Variants in PDZD2 observed in about 807,000 individuals in gnomAD.
PDZD2 encodes PDZ domain containing 2.
PDZD2 carries 90 observed loss-of-function variants against 220.7 expected under a neutral mutation model. The observed-to-expected ratio is 0.41, with a 90% CI of 0.34 to 0.49. The LOEUF (loss-of-function observed/expected upper bound fraction) is 0.49. Among genes scored for constraint, PDZD2 ranks in the 20% least tolerant of loss-of-function variants. The pLI is 0.28. For synonymous variants in PDZD2, 1,375 were observed against 1,450.5 expected, an observed-to-expected ratio of 0.95 and a Z score of 1.18; for missense variants, 3,174 against 3,608.5, an observed-to-expected ratio of 0.88 and a Z score of 3.08.
intron 18 of PDZD2, 75 bp downstream of exon 18, chr5:32,074,718 A>C: frequency 2.2e-6 from 2 of 919,920 alleles, no homozygotes; most frequent in Non-Finnish European, 1.6e-6. Context: ...TCTGTTGTAA[A>C]GCATGGGTAA....
chr5:31,690,616 C>T lies in PDZD2; in HGVS notation c.-361+51179C>T, dbSNP rs77135608. The stretch of plus-strand genomic sequence containing the variant: ...CAGATCACTCTAGTGTCTGCCTCTG[C>T]GGCCATGTTGCCCCTCCTCTTCTCT... On this transcript the variant is annotated intron_variant, in intron 1 of 24. Transcript: ENST00000438447. 5.6e-3 allele frequency among the ~76,000 whole-genome samples: 855 copies of T among 152,284 alleles called. 12 individuals are homozygous for T. Among genetic ancestry groups the T allele is most frequent in the African/African-American group, 0.02 (816 of 41,564 alleles).
In PDZD2 at chr5:31,799,434, C is replaced by A. The variant is rs371280714; in HGVS notation, c.186C>A (p.Ser62Arg). Residue 62 changes from serine (S) to arginine (R), a missense_variant, in exon 2 of 25, where the codon AGC becomes AGA. By Grantham distance (110) the Ser-to-Arg change is moderately radical. Around this residue, in one of 4 missense-constraint regions of PDZD2, gnomAD observed 632 missense variants for 708.1 expected, o/e 0.89. Coordinates refer to ENST00000438447, the MANE Select transcript of PDZD2 (RefSeq NM_178140.4). Reference protein sequence around the residue: ...VDESTVPPDHSPPEMEICTVY... With the variant: ...VDESTVPPDHRPPEMEICTVY... ...AGAGTACGGTCCCACCTGATCACAG[C>A]CCCCCCGAAATGGAGATCTGTACTG... The A allele has an allele frequency of 1.9e-6, 3 of 1,613,788 alleles. No individual in the cohort carries two copies. Among genetic ancestry groups the A allele is most frequent in the African/African-American group, 1.3e-5 (1 of 74,878 alleles).
intron 2 of PDZD2, among the ~76,000 whole-genome samples, chr5:31,840,262 A>AC (rs397956062): frequency 2.1e-5 from 3 of 145,134 alleles, no homozygotes; most frequent in South Asian, 2.2e-4. Flanking sequence ...ACAAAACAAA[A>AC]AAACCACCTC....
chr5:31,953,704 GA>G (rs1287221481), intron 2 of PDZD2, among the ~76,000 whole-genome samples: 1 of 150,752 alleles, frequency 6.6e-6, no homozygotes, highest in Non-Finnish European at 1.5e-5. Context: ...TGCCAGGCTG[GA>G]GTGCAGTGGC....
At chr5:31,902,770 C>T (rs922616911) in intron 2 of PDZD2, among the ~76,000 whole-genome samples, 1 of 151,686 alleles carries the variant, frequency 6.6e-6, no homozygotes, top group Non-Finnish European at 1.5e-5. Flanking sequence ...GGGAGGCTGA[C>T]ATAGGAGAAT....
chr5:31,805,131 G>A (rs1458310619), intron 2 of PDZD2, among the ~76,000 whole-genome samples: 2 of 152,214 alleles, frequency 1.3e-5, no homozygotes, highest in African/African-American at 2.4e-5. Flanking sequence ...GGAGGTGGAT[G>A]TTGCAGTGAG....
Position 31,646,843 on chromosome 5 carries a change from C to T in PDZD2, c.-361+7406C>T, listed in dbSNP as rs900617091. 2.0e-5 allele frequency among the ~76,000 whole-genome samples: 3 copies of T among 152,132 alleles called. No homozygotes were observed. The highest frequency in any genetic ancestry group is 6.5e-5 in the Admixed American group (1 of 15,268). On this transcript the variant is annotated intron_variant, in intron 1 of 24. Coordinates refer to ENST00000438447, the MANE Select transcript of PDZD2 (RefSeq NM_178140.4). The surrounding 1 kb of genome is among the most constrained non-coding windows in gnomAD (Gnocchi z 4.7). ...ACCTTAATTCCCAGTATCATTAGGC[C>T]GAAAGAAGGGACAGCTGTCTCCAGA...
At chr5:32,049,001 A>G (rs73072273) in intron 8 of PDZD2, among the ~76,000 whole-genome samples, 8,173 of 152,218 alleles carry the variant, frequency 0.054, 689 homozygotes, top group African/African-American at 0.19. Flanking sequence ...CTCGATTAAT[A>G]GGAGCAGCCT....
chr5:31,664,451 TACAC>T (rs10629638), intron 1 of PDZD2, among the ~76,000 whole-genome samples: 123 of 144,782 alleles, frequency 8.5e-4, no homozygotes, highest in Middle Eastern at 3.7e-3. Flanking sequence ...CATGCATGCA[TACAC>T]ACACACACAC....
intron 1 of PDZD2, among the ~76,000 whole-genome samples, chr5:31,706,177 T>TTGAA (rs1487357958): frequency 6.6e-6 from 1 of 152,186 alleles, no homozygotes; most frequent in Non-Finnish European, 1.5e-5. Context: ...TAAATATTTG[T>TTGAA]TGAATGAATG....
intron 1 of PDZD2, among the ~76,000 whole-genome samples, chr5:31,695,441 C>T (rs774538436): frequency 1.1e-4 from 17 of 152,364 alleles, no homozygotes; most frequent in Admixed American, 2.6e-4. Flanking sequence ...CACACTTGTA[C>T]AGCTCAGTTT....
intron 6 of PDZD2, among the ~76,000 whole-genome samples, chr5:32,034,508 G>C (rs1755378320): frequency 6.6e-6 from 1 of 151,920 alleles, no homozygotes; most frequent in Non-Finnish European, 1.5e-5. Flanking sequence ...ATACAGGCAC[G>C]TGCCACTATG....
intron 2 of PDZD2, among the ~76,000 whole-genome samples, chr5:31,810,558 A>C (rs2088894): frequency 0.83 from 125,755 of 152,178 alleles, 53,287 homozygotes; most frequent in African/African-American, 0.95. Context: ...AGCCACCACG[A>C]CCAGCCGCCT....
chr5:31,984,867 G>A (rs1396640502), intron 3 of PDZD2, among the ~76,000 whole-genome samples: 2 of 152,176 alleles, frequency 1.3e-5, no homozygotes, highest in Non-Finnish European at 2.9e-5. Context: ...TTTGTCTGCT[G>A]AGAAATGGTG....
At chr5:31,744,496 C>G (rs1382016299) in intron 1 of PDZD2, 1 of 151,638 alleles carries the variant, frequency 6.6e-6, no homozygotes, top group African/African-American at 2.4e-5. Flanking sequence ...TTTAAAGTGC[C>G]TTTTGATATT....
Position 31,689,078 on chromosome 5 carries a change from T to G in PDZD2, c.-361+49641T>G, listed in dbSNP as rs111870452. On this transcript the variant is annotated intron_variant, in intron 1 of 24. Transcript: ENST00000438447. ...TTTTGTTTTCTTGTTTTTTGGGGGG[T>G]TTTTATTTAGATAGAGTTTCGCTCT... Among the ~76,000 whole-genome samples, 416 of 151,036 alleles carry G rather than the reference T, an allele frequency of 2.8e-3. 2 individuals are homozygous for G. The highest frequency in any genetic ancestry group is 9.6e-3 in the African/African-American group (396 of 41,038).
At chr5:31,901,813 G>A (rs1237283059) in intron 2 of PDZD2, among the ~76,000 whole-genome samples, 1 of 152,198 alleles carries the variant, frequency 6.6e-6, no homozygotes, top group Non-Finnish European at 1.5e-5. Context: ...TCTTTGATTT[G>A]CTATCTCTAT....
rs539157405 is a variant in PDZD2 at position 31,983,724 on chromosome 5, C to T, written c.978+68C>T. On this transcript the variant is annotated intron_variant, in intron 3 of 24. Transcript: ENST00000438447. ...TGTGTGTTTGTTTGTTTTTGCAGCC[C>T]AGCCCATGCGGGAAATACAAGCTGG... is the stretch of plus-strand genomic sequence containing the variant. The T allele has an allele frequency of 1.3e-4, 198 of 1,468,858 alleles. 3 individuals carry two copies. In the South Asian group the frequency reaches 2.5e-3, roughly 19 times the overall value. 91.0% of individuals were successfully genotyped at this position (1,468,858 alleles called of 1,614,324 possible).
At chr5:31,908,774 G>A (rs1742919361) in intron 2 of PDZD2, 2 of 868,368 alleles carry the variant, frequency 2.3e-6, no homozygotes, top group Admixed American at 1.8e-5. Context: ...GCCGGGCGTG[G>A]TGGCTCACGC....
Sources: gnomAD v4.1 joint callset for allele counts (sites outside exome capture counted in the v4.1 genomes callset) on GRCh38, gnomAD v4.1.1 for gene constraint, gnomAD v4.1.1 regional missense constraint, Gnocchi (gnomAD v3.1) non-coding constraint, MANE v1.5 for transcripts, NCBI Gene and HGNC (gene_info 2026-07-23, HGNC 2026-07-21) for gene names.